The following ZSWIM5 variants were observed in gnomAD, a reference collection of about 807,000 sequenced individuals.
The protein encoded by ZSWIM5 is zinc finger SWIM domain-containing protein 5.
A neutral mutation model predicts 119.6 loss-of-function variants in ZSWIM5; 55 were observed. The ratio of observed to expected loss-of-function variants is 0.46; its 90% CI spans 0.37 to 0.58. ZSWIM5 has a LOEUF of 0.58. Ranked by LOEUF, ZSWIM5 falls within the 20% of genes least tolerant of loss-of-function variation. The probability of loss-of-function intolerance (pLI) is 0.00; values close to 1 mark genes in which losing one functional copy is unlikely to be tolerated. For missense variants in ZSWIM5, 1,193 were observed against 1,512.8 expected, an observed-to-expected ratio of 0.79 and a Z score of 3.51; for synonymous variants, 537 against 606.9, an observed-to-expected ratio of 0.88 and a Z score of 1.69.
intron 1 of ZSWIM5, among the ~76,000 whole-genome samples, chr1:45,190,324 C>CA (rs889220904): frequency 2.4e-4 from 36 of 149,506 alleles, no homozygotes; most frequent in African/African-American, 3.5e-4. Flanking sequence ...GACCCTGTCT[C>CA]AAAAAAAAAC....
At chr1:45,028,494 G>A (rs769799732) in intron 11 of ZSWIM5, among the ~76,000 whole-genome samples, 18 of 151,990 alleles carry the variant, frequency 1.2e-4, no homozygotes, top group Non-Finnish European at 2.1e-4. Context: ...GGTGGCTCAT[G>A]CCTGCAATCC....
At chr1:45,197,372 C>T (rs781626860) in intron 1 of ZSWIM5, among the ~76,000 whole-genome samples, 1 of 152,128 alleles carries the variant, frequency 6.6e-6, no homozygotes, top group Non-Finnish European at 1.5e-5. Context: ...TCTCGGCTTT[C>T]TAGAATTTCA....
chr1:45,026,472 CT>C (rs1284069527), intron 11 of ZSWIM5, among the ~76,000 whole-genome samples: 3 of 151,960 alleles, frequency 2.0e-5, no homozygotes, highest in African/African-American at 7.3e-5. Flanking sequence ...TGATGAATGA[CT>C]TTTCTTCTTT....
chr1:45,201,362 A>G (rs1046102355), intron 1 of ZSWIM5, among the ~76,000 whole-genome samples: 5 of 152,152 alleles, frequency 3.3e-5, no homozygotes, highest in African/African-American at 1.2e-4. Flanking sequence ...ACAGTAATAT[A>G]TATGTTTCTC....
chr1:45,092,233 A>G lies in ZSWIM5; in HGVS notation c.596-3996T>C, dbSNP rs540628714. 8.5e-5 allele frequency among the ~76,000 whole-genome samples: 13 copies of G among 152,258 alleles called. No individual in the cohort carries two copies. The South Asian group carries it at 2.1e-3, about 24-fold the overall frequency. Reference sequence around the variant, plus strand: ...CTAAGTTCTTTATATGCATTAACACACTTAATTGTCACAGTTTTATGAATT... The same window carrying G: ...CTAAGTTCTTTATATGCATTAACACGCTTAATTGTCACAGTTTTATGAATT... On this transcript the variant is annotated intron_variant, in intron 1 of 13. Coordinates refer to ENST00000359600, the MANE Select transcript of ZSWIM5 (RefSeq NM_020883.2).
chr1:45,055,471 C>T (rs774529337), intron 4 of ZSWIM5, among the ~76,000 whole-genome samples: 6 of 151,966 alleles, frequency 3.9e-5, no homozygotes, highest in Admixed American at 6.6e-5. Flanking sequence ...ATTGAGATGG[C>T]GACAACAAGG....
At chr1:45,195,425 G>C (rs146245865) in intron 1 of ZSWIM5, among the ~76,000 whole-genome samples, 2 of 151,892 alleles carry the variant, frequency 1.3e-5, no homozygotes, top group African/African-American at 4.8e-5. Context: ...TAGGGACAGG[G>C]TCTCCCTATG....
At chr1:45,105,588 G>A (rs993217066) in intron 1 of ZSWIM5, among the ~76,000 whole-genome samples, 3 of 146,506 alleles carry the variant, frequency 2.0e-5, no homozygotes, top group Admixed American at 2.0e-4. Context: ...GAGTGCCTCT[G>A]CCTGGCCGCC....
chr1:45,139,694 ATTTTTT>A lies in ZSWIM5; in HGVS notation c.596-51463_596-51458del, dbSNP rs774168631. ...TTCTTTCCTTCTTTTGCTTTCTTCG[ATTTTTT>A]TTTTTTTTTTTTTTTTTTGGTAGAG... On this transcript the variant is annotated intron_variant, in intron 1 of 13. Transcript: ENST00000359600. Among the ~76,000 whole-genome samples, 214 of 67,342 alleles carry A rather than the reference ATTTTTT, an allele frequency of 3.2e-3. 1 individual carries two copies. Among genetic ancestry groups the A allele is most frequent in the African/African-American group, 0.013 (205 of 16,344 alleles). 44.2% of individuals were successfully genotyped at this position (67,342 alleles called of 152,430 possible).
At chr1:45,040,131 C>A (rs755735794) in intron 7 of ZSWIM5, among the ~76,000 whole-genome samples, 18 of 152,208 alleles carry the variant, frequency 1.2e-4, no homozygotes, top group Non-Finnish European at 2.2e-4. Context: ...AATCACCATG[C>A]CTGTCCACAG....
intron 1 of ZSWIM5, among the ~76,000 whole-genome samples, chr1:45,097,821 T>A (rs1645412302): frequency 6.6e-6 from 1 of 151,960 alleles, no homozygotes; most frequent in Non-Finnish European, 1.5e-5. Flanking sequence ...CCTGCCTCAG[T>A]CTCCTGAGTA....
At position 45,206,132 on chromosome 1, in the gene ZSWIM5, CA is replaced by C; in HGVS notation, c.218del (p.Val73GlyfsTer130). 4 of 1,611,214 alleles carry C rather than the reference CA, an allele frequency of 2.5e-6. No individual in the cohort carries two copies. The highest frequency in any genetic ancestry group is 3.4e-6 in the Non-Finnish European group (4 of 1,179,294). ...CCCGTTCGTATGCCCACTTTTCCGC[CA>C]CCGTCTTGGCGGCGCAGTCCAGTAA... Reference protein sequence around the residue: ...DSLLDCAAKTVAEKWAYERVE... With the variant: ...DSLLDCAAKTXAEKWAYERVE... On this transcript the variant is annotated frameshift_variant, in exon 1 of 14. Coordinates refer to ENST00000359600, the MANE Select transcript of ZSWIM5 (RefSeq NM_020883.2). LOFTEE classifies it high-confidence loss of function.
At position 45,206,338 on chromosome 1, in the gene ZSWIM5, C is replaced by T. The variant is rs1187161723; in HGVS notation, c.13G>A (p.Gly5Ser). MADG[G>S]EREELLSPSP... ...GGCGAGAGCAGCTCCTCTCGCTCAC[C>T]TCCGTCCGCCATTGCTGGGGACTGA... Residue 5 changes from glycine to serine, a missense_variant, in exon 1 of 14, where the codon GGT (glycine) becomes AGT (serine). By Grantham distance (56) the Gly-to-Ser change is moderately conservative. This residue lies in a region of ZSWIM5 where 232 missense variants were observed against 222.9 expected (regional missense o/e 1.04). Coordinates refer to ENST00000359600, the MANE Select transcript of ZSWIM5 (RefSeq NM_020883.2). 1.4e-6 allele frequency: 2 copies of T among 1,480,266 alleles called. No individual in the cohort carries two copies. The highest frequency in any genetic ancestry group is 4.5e-5 in the Admixed American group (2 of 44,412). The allele number at this position is 1,480,266 out of a possible 1,614,324, so 91.7% of individuals were successfully genotyped here.
At chr1:45,064,587 A>G (rs1379957172) in intron 2 of ZSWIM5, among the ~76,000 whole-genome samples, 2 of 152,216 alleles carry the variant, frequency 1.3e-5, no homozygotes, top group African/African-American at 4.8e-5. Context: ...TGCTAGAGGC[A>G]CTTTTTATAC....
chr1:45,144,896 G>A (rs1645751449), intron 1 of ZSWIM5, among the ~76,000 whole-genome samples: 1 of 152,070 alleles, frequency 6.6e-6, no homozygotes, highest in African/African-American at 2.4e-5. Context: ...CAGACTGGGA[G>A]AAAATATTTG....
chr1:45,158,758 T>C (rs573236978), intron 1 of ZSWIM5, among the ~76,000 whole-genome samples: 6 of 152,280 alleles, frequency 3.9e-5, no homozygotes, highest in African/African-American at 1.2e-4. Flanking sequence ...GAACTGCAAA[T>C]CTTAGACTGC....
intron 1 of ZSWIM5, among the ~76,000 whole-genome samples, chr1:45,107,628 TGA>T (rs1462516606): frequency 8.1e-6 from 1 of 123,072 alleles, no homozygotes; most frequent in Non-Finnish European, 1.6e-5. Context: ...GGCGACAGAG[TGA>T]GACTCTGTCT....
At chr1:45,029,464 CT>C (rs764686010) in intron 11 of ZSWIM5, among the ~76,000 whole-genome samples, 8 of 152,160 alleles carry the variant, frequency 5.3e-5, no homozygotes, top group Non-Finnish European at 2.9e-5. Flanking sequence ...ATGTTTTTTA[CT>C]TCATTTCTGA....
At chr1:45,058,547 A>C (rs187560957) in intron 4 of ZSWIM5, 62 bp downstream of exon 4, 6 of 1,599,560 alleles carry the variant, frequency 3.8e-6, no homozygotes, top group Non-Finnish European at 5.1e-6. Context: ...AGGGCTCATA[A>C]ACACTGTTGC....
Sources: allele counts gnomAD v4.1 joint callset (sites outside exome capture counted in the v4.1 genomes callset), GRCh38; gene constraint gnomAD v4.1.1; regional missense constraint gnomAD v4.1.1; transcripts MANE v1.5; gene names NCBI Gene and HGNC (gene_info 2026-07-23, HGNC 2026-07-21).